SMARCD3: variants seen among roughly 807,000 people sequenced by gnomAD.
SMARCD3 encodes SWI/SNF-related matrix-associated actin-dependent regulator of chromatin subfamily D member 3.
Under a neutral mutation model 58.0 loss-of-function variants are expected in SMARCD3, and 14 were observed. The ratio of observed to expected loss-of-function variants is 0.24; its 90% CI spans 0.16 to 0.38. The LOEUF is 0.38. SMARCD3 is among the 10% of genes least tolerant of loss of function. The pLI, the probability that SMARCD3 is intolerant of heterozygous loss-of-function variation, is 1.00. For synonymous variants in SMARCD3, 253 were observed against 253.8 expected, an observed-to-expected ratio of 1.00 and a Z score of 0.03; for missense variants, 408 against 636.9, an observed-to-expected ratio of 0.64 and a Z score of 3.87.
chr7:151,238,967 G>A lies in SMARCD3; in HGVS notation c.*136C>T. ...CCTCCCCAGTTTCCAATGACCACAC[G>A]GCTGCTGTCAGATGAATGACTTTTA... On this transcript the variant is annotated 3_prime_UTR_variant, in exon 13 of 13. Coordinates refer to ENST00000262188, the MANE Select transcript of SMARCD3 (RefSeq NM_001003801.2). 1 of 1,052,372 alleles carries A rather than the reference G, an allele frequency of 9.5e-7. No individual in the cohort carries two copies. Among genetic ancestry groups the A allele is most frequent in the Middle Eastern group, 2.8e-4 (1 of 3,624 alleles). The allele number at this position is 1,052,372 out of a possible 1,614,324, so 65.2% of individuals were successfully genotyped here.
chr7:151,275,716 C>T (rs11976868), intron 1 of SMARCD3, among the ~76,000 whole-genome samples: 2,984 of 152,292 alleles, frequency 0.02, 100 homozygotes, highest in African/African-American at 0.066. Context: ...TGACTACCAG[C>T]TGGCCTAGGC....
In SMARCD3 at chr7:151,239,337, AG is replaced by A. The variant is rs2150587890; in HGVS notation, c.1398+58del. 2.1e-6 allele frequency: 3 copies of A among 1,446,742 alleles called. No homozygotes were observed. The South Asian group carries it at 3.4e-5, about 16-fold the overall frequency. 89.6% of individuals were successfully genotyped at this position (1,446,742 alleles called of 1,614,324 possible). ...TGCGAGGGCTGCCCACAAGCTGAAC[AG>A]GGAGGTTTCTCTTGGAGTTGAGGAT... On this transcript the variant is annotated intron_variant, in intron 12 of 12. Transcript: ENST00000262188. This position sits in a 1 kb window ranked among gnomAD's most constrained non-coding sequence, Gnocchi z 7.0.
intron 2 of SMARCD3, among the ~76,000 whole-genome samples, chr7:151,274,355 C>A (rs570533443): frequency 2.8e-4 from 42 of 152,342 alleles, no homozygotes; most frequent in African/African-American, 8.4e-4. Context: ...GGCTTTTCTG[C>A]CCAGAGCCTC....
chr7:151,274,957 GGGACAGAGA>G (rs1179894518), intron 2 of SMARCD3, among the ~76,000 whole-genome samples: 1 of 152,188 alleles, frequency 6.6e-6, no homozygotes, highest in East Asian at 1.9e-4. Flanking sequence ...GGTGGGGAGA[GGGACAGAGA>G]GGCCCTGCCA....
intron 2 of SMARCD3, among the ~76,000 whole-genome samples, chr7:151,269,005 G>A (rs1266501119): frequency 1.3e-5 from 2 of 152,186 alleles, no homozygotes; most frequent in African/African-American, 4.8e-5. Context: ...CTTCCTGCAG[G>A]TCACTGTGTT....
upstream of SMARCD3, among the ~76,000 whole-genome samples, chr7:151,250,783 T>C (rs1422875536): frequency 2.0e-5 from 3 of 152,122 alleles, no homozygotes; most frequent in African/African-American, 7.2e-5. Context: ...GACTGATCTT[T>C]AACTCCCACT....
chr7:151,256,172 G>GCGCCTGGCTT (rs1803691152), intron 2 of SMARCD3, among the ~76,000 whole-genome samples: 2 of 150,054 alleles, frequency 1.3e-5, no homozygotes, highest in Non-Finnish European at 3.0e-5. Flanking sequence ...ATGAGCCACT[G>GCGCCTGGCTT]CGCCTGGCTT....
chr7:151,260,972 C>T (rs1803899222), intron 2 of SMARCD3, among the ~76,000 whole-genome samples: 1 of 152,196 alleles, frequency 6.6e-6, no homozygotes. Context: ...ACTAGTAACT[C>T]AGCAGACTTT....
At chr7:151,273,923 G>A (rs576031963) in intron 2 of SMARCD3, among the ~76,000 whole-genome samples, 3 of 152,368 alleles carry the variant, frequency 2.0e-5, no homozygotes, top group South Asian at 4.1e-4. Context: ...GCTGTCCCTG[G>A]CCTTCAGAGC....
At chr7:151,261,231 C>T (rs1473000742) in intron 2 of SMARCD3, among the ~76,000 whole-genome samples, 1 of 152,202 alleles carries the variant, frequency 6.6e-6, no homozygotes, top group East Asian at 1.9e-4. Context: ...ACATCTCAGG[C>T]TGGACGATTC....
intron 2 of SMARCD3, among the ~76,000 whole-genome samples, chr7:151,264,987 G>A (rs1438253998): frequency 4.6e-5 from 7 of 152,178 alleles, no homozygotes; most frequent in Non-Finnish European, 1.5e-5. Context: ...TTCCTGTGAT[G>A]GGGATAGCCC....
chr7:151,241,972 G>A lies in SMARCD3; in HGVS notation c.682C>T (p.Arg228Trp), dbSNP rs1241576455. 5 of 1,610,922 alleles carry A rather than the reference G, an allele frequency of 3.1e-6. No individual in the cohort carries two copies. The highest frequency in any genetic ancestry group is 4.2e-6 in the Non-Finnish European group (5 of 1,178,534). Reference protein sequence around the residue: ...GPDNHLVEWHRTPTTQETDGF... With the variant: ...GPDNHLVEWHWTPTTQETDGF... ...TCCGTCTCCTGGGTCGTGGGTGTCCGATGCCACTGTCCAGGAGAGAAGAGC... is the reference window on the plus strand; with the variant it reads ...TCCGTCTCCTGGGTCGTGGGTGTCCAATGCCACTGTCCAGGAGAGAAGAGC... The change falls in exon 7 of 13, where the codon CGG becomes TGG. Residue 228 changes from arginine to tryptophan, a missense_variant. Around this residue, in one of 4 missense-constraint regions of SMARCD3, gnomAD observed 115 missense variants for 257.2 expected, o/e 0.45. Transcript: ENST00000262188. The surrounding 1 kb of genome is among the most constrained non-coding windows in gnomAD (Gnocchi z 5.3).
chr7:151,255,360 G>A (rs1011598695), intron 2 of SMARCD3, among the ~76,000 whole-genome samples: 4 of 152,088 alleles, frequency 2.6e-5, no homozygotes, highest in African/African-American at 7.2e-5. Context: ...GCAGTGGCTC[G>A]ACCACTGGCC....
intron 1 of SMARCD3, among the ~76,000 whole-genome samples, chr7:151,275,683 A>T (rs1342147306): frequency 6.6e-6 from 1 of 152,140 alleles, no homozygotes; most frequent in Non-Finnish European, 1.5e-5. Flanking sequence ...CAGAGGTGGC[A>T]GGCAGGTAGT....
intron 2 of SMARCD3, among the ~76,000 whole-genome samples, chr7:151,255,944 G>A (rs1336144246): frequency 2.0e-5 from 3 of 151,348 alleles, no homozygotes; most frequent in East Asian, 1.9e-4. Flanking sequence ...GCAGTGGCGC[G>A]ATCTCGGCTC....
At chr7:151,252,876 GCTGT>G (rs1403300735), upstream of SMARCD3, among the ~76,000 whole-genome samples, 1 of 152,192 alleles carries the variant, frequency 6.6e-6, no homozygotes, top group Non-Finnish European at 1.5e-5. Flanking sequence ...TATCAAGGGG[GCTGT>G]CTCTCTGTGT....
At chr7:151,264,214 A>G (rs1804011728) in intron 2 of SMARCD3, among the ~76,000 whole-genome samples, 1 of 151,988 alleles carries the variant, frequency 6.6e-6, no homozygotes, top group Non-Finnish European at 1.5e-5. Flanking sequence ...GCCTGCCACC[A>G]CACCTGGCTA....
Position 151,243,666 on chromosome 7 carries a change from G to T in SMARCD3, c.326C>A (p.Pro109His). 6.2e-7 allele frequency: 1 copy of T among 1,608,142 alleles called. No individual in the cohort carries two copies. Among genetic ancestry groups the T allele is most frequent in the Non-Finnish European group, 8.5e-7 (1 of 1,174,600 alleles). The stretch of plus-strand genomic sequence containing the variant: ...GCTGTGAAAGGCACTCACCCTTTGA[G>T]GGAGGATTTTGTCAGCCATCTTCCT... ...KRRKMADKIL[P>H]QRIRELVPES... Residue 109 changes from proline to histidine, a missense_variant, in exon 3 of 13, where the codon CCT (proline) becomes CAT (histidine). Transcript: ENST00000262188. This position sits in a 1 kb window ranked among gnomAD's most constrained non-coding sequence, Gnocchi z 4.4.
In SMARCD3 at chr7:151,245,710, T is replaced by G; in HGVS notation, c.79-39A>C. 1.9e-6 allele frequency: 1 copy of G among 514,740 alleles called. No individual in the cohort carries two copies. The allele number at this position is 514,740 out of a possible 1,614,324, so 31.9% of individuals were successfully genotyped here. ...GGGGTGAAGCAGAAACGGGCGCCCG[T>G]GGGTCAGACCAGGGCCCCCCGCTCC... On this transcript the variant is annotated intron_variant, in intron 1 of 12. Coordinates refer to ENST00000262188, the MANE Select transcript of SMARCD3 (RefSeq NM_001003801.2). This position sits in a 1 kb window ranked among gnomAD's most constrained non-coding sequence, Gnocchi z 6.2.
Sources: gnomAD v4.1 joint callset for allele counts (sites outside exome capture counted in the v4.1 genomes callset) on GRCh38, gnomAD v4.1.1 for gene constraint, gnomAD v4.1.1 regional missense constraint, Gnocchi (gnomAD v3.1) non-coding constraint, MANE v1.5 for transcripts, NCBI Gene and HGNC (gene_info 2026-07-23, HGNC 2026-07-21) for gene names.